KCNJ4: variants seen among roughly 807,000 people sequenced by gnomAD.
The protein encoded by KCNJ4 is potassium inwardly rectifying channel subfamily J member 4.
KCNJ4 carries 3 observed loss-of-function variants against 25.6 expected under a neutral mutation model. The ratio of observed to expected loss-of-function variants is 0.12; its 90% confidence interval spans 0.05 to 0.30. KCNJ4 has a LOEUF of 0.30. Ranked by LOEUF, KCNJ4 falls within the 10% of genes least tolerant of loss-of-function variation. The pLI, the probability that KCNJ4 is intolerant of heterozygous loss-of-function variation, is 1.00. For synonymous variants in KCNJ4, 257 were observed against 283.9 expected (o/e 0.91, Z 0.95); for missense variants, 286 against 666.8 (o/e 0.43, Z 6.29).
intron 1 of KCNJ4, among the ~76,000 whole-genome samples, chr22:38,454,088 C>T (rs2089424768): frequency 6.6e-6 from 1 of 152,184 alleles, no homozygotes; most frequent in Non-Finnish European, 1.5e-5. Flanking sequence ...ACACACACGG[C>T]TCCAACCCTT....
intron 1 of KCNJ4, among the ~76,000 whole-genome samples, chr22:38,445,966 A>AC (rs1569123887): frequency 6.6e-6 from 1 of 150,694 alleles, no homozygotes; most frequent in African/African-American, 2.4e-5. Context: ...AGTCTGTTAG[A>AC]CCCCCCAGCT....
intron 1 of KCNJ4, among the ~76,000 whole-genome samples, chr22:38,446,594 A>T (rs186926433): frequency 3.9e-5 from 6 of 152,202 alleles, no homozygotes; most frequent in Admixed American, 3.9e-4. Flanking sequence ...AAAGTAGTTC[A>T]TATCAACGAG....
intron 1 of KCNJ4, among the ~76,000 whole-genome samples, chr22:38,447,520 T>A (rs984946068): frequency 1.3e-5 from 2 of 152,102 alleles, no homozygotes; most frequent in Non-Finnish European, 2.9e-5. Flanking sequence ...GAGTGGTACC[T>A]TCACACTCAC....
intron 1 of KCNJ4, among the ~76,000 whole-genome samples, chr22:38,441,331 G>A (rs2089331392): frequency 6.6e-6 from 1 of 152,190 alleles, no homozygotes; most frequent in Non-Finnish European, 1.5e-5. Flanking sequence ...GGAAGAGCCA[G>A]GAGTTCTGCT....
At chr22:38,435,029 T>C (rs945256509) in intron 1 of KCNJ4, among the ~76,000 whole-genome samples, 1 of 152,244 alleles carries the variant, frequency 6.6e-6, no homozygotes, top group Non-Finnish European at 1.5e-5. Flanking sequence ...CCAAGAATGC[T>C]GGACTGGGAG....
At chr22:38,445,141 G>C (rs995465668) in intron 1 of KCNJ4, among the ~76,000 whole-genome samples, 1 of 152,030 alleles carries the variant, frequency 6.6e-6, no homozygotes, top group Non-Finnish European at 1.5e-5. Context: ...GAGGGCACAA[G>C]GACAGAGCAG....
At position 38,449,916 on chromosome 22, in the gene KCNJ4, C is replaced by A. The variant is rs760502415; in HGVS notation, c.-40+5064G>T. 2.6e-5 allele frequency among the ~76,000 whole-genome samples: 4 copies of A among 152,224 alleles called. No individual in the cohort carries two copies. The highest frequency in any genetic ancestry group is 5.9e-5 in the Non-Finnish European group (4 of 68,036). ...AAGCCAGAGCGTGAGCTCACCCCTG[C>A]TCCCCATGCTGCACCCCACCCACCA... On this transcript the variant is annotated intron_variant, in intron 1 of 1. Coordinates refer to ENST00000303592, the MANE Select transcript of KCNJ4 (RefSeq NM_152868.3). The surrounding 1 kb of genome is among the most constrained non-coding windows in gnomAD (Gnocchi z 5.2).
intron 1 of KCNJ4, among the ~76,000 whole-genome samples, chr22:38,433,940 C>T (rs2093057958): frequency 6.6e-6 from 1 of 152,232 alleles, no homozygotes; most frequent in African/African-American, 2.4e-5. Context: ...CCCACAACTC[C>T]CTTTGCAAAA....
chr22:38,427,569 G>A lies in KCNJ4; in HGVS notation c.564C>T (p.Ser188=). ...PKKRAQTLLF[S]HHAVISVRDG... is the part of the protein sequence containing the mutation. The stretch of plus-strand genomic sequence containing the variant: ...CGCGCACCGAAATGACCGCGTGGTG[G>A]CTGAACAGCAACGTCTGCGCCCGCT... Residue 188 remains serine, a synonymous_variant, in exon 2 of 2, where the codon AGC becomes AGT. Coordinates refer to ENST00000303592, the MANE Select transcript of KCNJ4 (RefSeq NM_152868.3). 6.2e-7 allele frequency: 1 copy of A among 1,611,364 alleles called. No individual in the cohort carries two copies.
At chr22:38,438,558 A>G (rs1289065489) in intron 1 of KCNJ4, among the ~76,000 whole-genome samples, 1 of 143,930 alleles carries the variant, frequency 6.9e-6, no homozygotes, top group Admixed American at 6.8e-5. Context: ...GCGTGGTGGC[A>G]GGCGCCTGTA....
rs760502415 is a variant in KCNJ4 at position 38,449,916 on chromosome 22, C to G, written c.-40+5064G>C. 8.5e-5 allele frequency among the ~76,000 whole-genome samples: 13 copies of G among 152,224 alleles called. No homozygotes were observed. Among genetic ancestry groups the G allele is most frequent in the Non-Finnish European group, 1.8e-4 (12 of 68,036 alleles). On this transcript the variant is annotated intron_variant, in intron 1 of 1. Coordinates refer to ENST00000303592, the MANE Select transcript of KCNJ4 (RefSeq NM_152868.3). The surrounding 1 kb of genome is among the most constrained non-coding windows in gnomAD (Gnocchi z 5.2). The stretch of plus-strand genomic sequence containing the variant: ...AAGCCAGAGCGTGAGCTCACCCCTG[C>G]TCCCCATGCTGCACCCCACCCACCA...
At chr22:38,446,827 G>A (rs993216593) in intron 1 of KCNJ4, among the ~76,000 whole-genome samples, 2 of 151,962 alleles carry the variant, frequency 1.3e-5, no homozygotes, top group South Asian at 2.1e-4. Flanking sequence ...ATGGTGGTGC[G>A]CACCTGTAGT....
intron 1 of KCNJ4, among the ~76,000 whole-genome samples, chr22:38,438,189 G>A (rs551699009): frequency 1.5e-5 from 2 of 137,600 alleles, no homozygotes; most frequent in South Asian, 2.5e-4. Flanking sequence ...GCAGTGAGCC[G>A]AGATCATGCC....
At chr22:38,453,451 C>A (rs1304882083) in intron 1 of KCNJ4, among the ~76,000 whole-genome samples, 1 of 152,178 alleles carries the variant, frequency 6.6e-6, no homozygotes, top group Non-Finnish European at 1.5e-5. Context: ...CAGATTCCCC[C>A]TCTAATCCTG....
chr22:38,433,633 G>A (rs751396378), intron 1 of KCNJ4, among the ~76,000 whole-genome samples: 8 of 152,092 alleles, frequency 5.3e-5, no homozygotes, highest in Non-Finnish European at 1.2e-4. Flanking sequence ...TAATTTTACT[G>A]TGCTGTAAAC....
At chr22:38,436,998 T>C (rs73413305) in intron 1 of KCNJ4, among the ~76,000 whole-genome samples, 1,951 of 152,218 alleles carry the variant, frequency 0.013, 33 homozygotes, top group African/African-American at 0.044. Flanking sequence ...GTCAGTCCTA[T>C]GGGGATGGAG....
At chr22:38,445,605 A>G (rs897132056) in intron 1 of KCNJ4, among the ~76,000 whole-genome samples, 1 of 152,132 alleles carries the variant, frequency 6.6e-6, no homozygotes. Flanking sequence ...CGGCCTCCCA[A>G]CGTGCTGGGA....
chr22:38,438,596 T>G (rs1460399975), intron 1 of KCNJ4, among the ~76,000 whole-genome samples: 2 of 137,424 alleles, frequency 1.5e-5, no homozygotes, highest in African/African-American at 5.6e-5. Flanking sequence ...GGCTGAGGCA[T>G]GAGAATCGCT....
intron 1 of KCNJ4, among the ~76,000 whole-genome samples, chr22:38,450,107 G>T (rs370058504): frequency 6.6e-6 from 1 of 152,212 alleles, no homozygotes; most frequent in Non-Finnish European, 1.5e-5. Flanking sequence ...ATCAGCCCAC[G>T]TAGCGAGGGG....
Sources: gnomAD v4.1 joint callset for allele counts (sites outside exome capture counted in the v4.1 genomes callset) on GRCh38, gnomAD v4.1.1 for gene constraint, Gnocchi (gnomAD v3.1) non-coding constraint, MANE v1.5 for transcripts, NCBI Gene and HGNC (gene_info 2026-07-23, HGNC 2026-07-21) for gene names.